ATP9A: variants seen among roughly 807,000 people sequenced by gnomAD.
ATP9A encodes ATPase phospholipid transporting 9A, also known as probable phospholipid-transporting ATPase IIA.
In ATP9A, 52 loss-of-function variants were observed where a neutral mutation model predicts 144.1. That is an observed-to-expected ratio of 0.36 (90% CI 0.29 to 0.45). The LOEUF (loss-of-function observed/expected upper bound fraction) is 0.45, where lower values mean the gene tolerates loss of function less well. Among genes scored for constraint, ATP9A ranks in the 20% least tolerant of loss-of-function variants. The pLI is 1.00. For synonymous variants in ATP9A, 582 were observed against 557.4 expected (o/e 1.04, Z -0.62); for missense variants, 947 against 1,392.7 (o/e 0.68, Z 5.09).
At chr20:51,658,598 C>T (rs2077397085) in intron 13 of ATP9A, among the ~76,000 whole-genome samples, 1 of 146,216 alleles carries the variant, frequency 6.8e-6, no homozygotes, top group African/African-American at 2.5e-5. Context: ...CAGCTCACTG[C>T]AATCTCCGCC....
At position 51,613,540 on chromosome 20, in the gene ATP9A, C is replaced by T. The variant is rs117762032; in HGVS notation, c.2571+137G>A. Reference sequence around the variant, plus strand: ...ACTGGCGAGGTAGGGGTGACAGCTCCAAAGCATAATCTAATTCCCAGGCTT... The same window carrying T: ...ACTGGCGAGGTAGGGGTGACAGCTCTAAAGCATAATCTAATTCCCAGGCTT... On this transcript the variant is annotated intron_variant, in intron 23 of 27. Coordinates refer to ENST00000338821, the MANE Select transcript of ATP9A (RefSeq NM_006045.3). 4.7e-3 allele frequency: 4,861 copies of T among 1,039,482 alleles called. 101 individuals carry two copies. In the East Asian group the frequency reaches 0.058, roughly 12 times the overall value. 64.4% of individuals were successfully genotyped at this position (1,039,482 alleles called of 1,614,324 possible).
At chr20:51,644,499 TGA>T (rs1448777295) in intron 14 of ATP9A, among the ~76,000 whole-genome samples, 1 of 151,844 alleles carries the variant, frequency 6.6e-6, no homozygotes, top group Non-Finnish European at 1.5e-5. Context: ...CTCGATCTCC[TGA>T]CCTCATGATC....
chr20:51,641,547 G>A (rs1472011689), intron 14 of ATP9A, among the ~76,000 whole-genome samples: 1 of 151,500 alleles, frequency 6.6e-6, no homozygotes, highest in Non-Finnish European at 1.5e-5. Flanking sequence ...GGGCGCGGTG[G>A]CTCACACCTG....
intron 9 of ATP9A, among the ~76,000 whole-genome samples, chr20:51,680,819 G>A (rs911570152): frequency 6.6e-6 from 1 of 152,102 alleles, no homozygotes. Flanking sequence ...GTGAGATGCA[G>A]GGGAAACTGA....
At chr20:51,711,958 T>A (rs1255360800) in intron 4 of ATP9A, among the ~76,000 whole-genome samples, 1 of 147,056 alleles carries the variant, frequency 6.8e-6, no homozygotes, top group Non-Finnish European at 1.5e-5. Flanking sequence ...TAGGTTCAAG[T>A]GAGTCTCCTG....
chr20:51,708,933 T>C (rs1256939484), intron 4 of ATP9A, among the ~76,000 whole-genome samples: 1 of 151,992 alleles, frequency 6.6e-6, no homozygotes, highest in Non-Finnish European at 1.5e-5. Context: ...TAAATATAAC[T>C]GACAAACCTG....
chr20:51,693,877 C>A, intron 7 of ATP9A, 131 bp downstream of exon 7: 1 of 766,422 alleles, frequency 1.3e-6, no homozygotes, highest in East Asian at 2.7e-5. Context: ...CAGGGGCTCT[C>A]CAGGACCCCA....
chr20:51,758,628 T>C (rs1376486136), intron 1 of ATP9A, among the ~76,000 whole-genome samples: 1 of 152,026 alleles, frequency 6.6e-6, no homozygotes, highest in Non-Finnish European at 1.5e-5. Flanking sequence ...GTACAGTAGG[T>C]AGAAAGAGCC....
intron 1 of ATP9A, among the ~76,000 whole-genome samples, chr20:51,755,670 A>G (rs2077852668): frequency 6.6e-6 from 1 of 151,996 alleles, no homozygotes; most frequent in Non-Finnish European, 1.5e-5. Flanking sequence ...TGTGTTCAAG[A>G]ATGTTCATAG....
At chr20:51,730,100 T>C in intron 1 of ATP9A, 122 bp from the exon 2 acceptor site, 1 of 1,071,938 alleles carries the variant, frequency 9.3e-7, no homozygotes, top group Non-Finnish European at 1.2e-6. Context: ...ACCACAGCCA[T>C]ATTTGAGGCT....
chr20:51,726,313 C>CAAAAAA (rs11476208), intron 2 of ATP9A, among the ~76,000 whole-genome samples: 3 of 70,776 alleles, frequency 4.2e-5, no homozygotes, highest in Non-Finnish European at 5.5e-5. Context: ...AACTCTGTCT[C>CAAAAAA]AAAAAAAAAA....
At chr20:51,660,085 T>A (rs555146048) in intron 13 of ATP9A, among the ~76,000 whole-genome samples, 113 of 152,320 alleles carry the variant, frequency 7.4e-4, no homozygotes, top group South Asian at 5.6e-3. Context: ...ACCCTTTTTT[T>A]AAAAAATTCT....
At chr20:51,641,634 G>A (rs1454822862) in intron 14 of ATP9A, among the ~76,000 whole-genome samples, 1 of 151,224 alleles carries the variant, frequency 6.6e-6, no homozygotes, top group African/African-American at 2.4e-5. Context: ...GGCCAACATA[G>A]TGAAACCCCA....
intron 15 of ATP9A, among the ~76,000 whole-genome samples, chr20:51,630,368 C>T (rs1038930220): frequency 1.4e-4 from 21 of 152,286 alleles, no homozygotes; most frequent in African/African-American, 3.4e-4. Context: ...AATAAATGCC[C>T]GGAAAGTCTT....
intron 4 of ATP9A, among the ~76,000 whole-genome samples, chr20:51,704,815 A>G (rs532722870): frequency 6.6e-6 from 1 of 152,308 alleles, no homozygotes; most frequent in Non-Finnish European, 1.5e-5. Flanking sequence ...AAAAAACTTT[A>G]TATCTGTACC....
intron 1 of ATP9A, among the ~76,000 whole-genome samples, chr20:51,734,157 T>G (rs1251226649): frequency 2.0e-5 from 3 of 151,828 alleles, no homozygotes; most frequent in Non-Finnish European, 4.4e-5. Flanking sequence ...TTTTGTAATT[T>G]TTTTTTTGTA....
chr20:51,691,569 G>T lies in ATP9A; in HGVS notation c.643-750C>A, dbSNP rs181426862. ...AAAAAAGTAAGAACGCCTCCCACCCGTAAGGATGGCTGCTATCAAAACAAA... is the reference window on the plus strand; with the variant it reads ...AAAAAAGTAAGAACGCCTCCCACCCTTAAGGATGGCTGCTATCAAAACAAA... On this transcript the variant is annotated intron_variant, in intron 7 of 27. Transcript: ENST00000338821. Among the ~76,000 whole-genome samples, 528 of 152,312 alleles carry T rather than the reference G, an allele frequency of 3.5e-3. 2 individuals are homozygous for T. The highest frequency in any genetic ancestry group is 0.012 in the African/African-American group (500 of 41,578).
chr20:51,722,453 G>A (rs1051979731), intron 3 of ATP9A, among the ~76,000 whole-genome samples: 4 of 152,110 alleles, frequency 2.6e-5, no homozygotes, highest in Non-Finnish European at 4.4e-5. Context: ...TCTGACAAAG[G>A]ACTAACATCC....
intron 9 of ATP9A, among the ~76,000 whole-genome samples, chr20:51,679,889 C>T (rs2077492689): frequency 1.3e-5 from 2 of 152,248 alleles, no homozygotes; most frequent in South Asian, 2.1e-4. Context: ...AGCATGTGAT[C>T]AGAGTAGTCG....
Sources: allele counts gnomAD v4.1 joint callset (sites outside exome capture counted in the v4.1 genomes callset), GRCh38; gene constraint gnomAD v4.1.1; transcripts MANE v1.5; gene names NCBI Gene and HGNC (gene_info 2026-07-23, HGNC 2026-07-21).